The following ADAMTS20 variants were observed in gnomAD, a reference collection of about 807,000 sequenced individuals.
ADAMTS20 encodes the protein ADAM metallopeptidase with thrombospondin type 1 motif 20, also known as A disintegrin and metalloproteinase with thrombospondin motifs 20.
Under a neutral mutation model 260.1 loss-of-function variants are expected in ADAMTS20, and 225 were observed. That is an observed-to-expected ratio of 0.87 (90% CI 0.78 to 0.97). The LOEUF is 0.97. ADAMTS20 is among the 50% of genes least tolerant of loss of function. The probability of loss-of-function intolerance (pLI) is 0.00; values close to 1 mark genes in which losing one functional copy is unlikely to be tolerated. For missense variants in ADAMTS20, 2,400 were observed against 2,337.7 expected (o/e 1.03, Z -0.55); for synonymous variants, 802 against 769.5 (o/e 1.04, Z -0.70).
intron 24 of ADAMTS20, 45 bp downstream of exon 24, chr12:43,429,572 G>T: frequency 7.3e-7 from 1 of 1,363,050 alleles, no homozygotes; most frequent in Non-Finnish European, 1.0e-6. Context: ...ATGTCTAAAA[G>T]CTACCATAAT....
At chr12:43,419,561 T>C (rs1941191062) in intron 28 of ADAMTS20, among the ~76,000 whole-genome samples, 1 of 152,158 alleles carries the variant, frequency 6.6e-6, no homozygotes, top group African/African-American at 2.4e-5. Flanking sequence ...TAAACATTCC[T>C]AAAGCATTAT....
At position 43,526,709 on chromosome 12, in the gene ADAMTS20, G is replaced by A. The variant is rs545223005; in HGVS notation, c.613+5327C>T. On this transcript the variant is annotated intron_variant, in intron 3 of 38. Coordinates refer to ENST00000389420, the MANE Select transcript of ADAMTS20 (RefSeq NM_025003.5). ...AGTAGTGCTAAGAGGAATGTTTATT[G>A]CACTAAATTTGTACATCAAAAAGTC... is the stretch of plus-strand genomic sequence containing the variant. Among the ~76,000 whole-genome samples, 3 of 152,254 alleles carry A rather than the reference G, an allele frequency of 2.0e-5. No individual in the cohort carries two copies. The South Asian group carries it at 6.2e-4, about 32-fold the overall frequency.
intron 28 of ADAMTS20, among the ~76,000 whole-genome samples, chr12:43,417,166 A>AT (rs1941148441): frequency 6.6e-6 from 1 of 152,114 alleles, no homozygotes; most frequent in Non-Finnish European, 1.5e-5. Context: ...GTAACATGCA[A>AT]TTCTGGCAGT....
At chr12:43,434,666 T>C (rs1239625543) in intron 18 of ADAMTS20, among the ~76,000 whole-genome samples, 2 of 152,214 alleles carry the variant, frequency 1.3e-5, no homozygotes, top group South Asian at 2.1e-4. Flanking sequence ...TGGTGAATAA[T>C]TGAGTAGCTA....
chr12:43,541,075 G>A (rs1419352924), intron 2 of ADAMTS20, among the ~76,000 whole-genome samples: 1 of 152,028 alleles, frequency 6.6e-6, no homozygotes, highest in Non-Finnish European at 1.5e-5. Flanking sequence ...GTGATAACAA[G>A]TACAAAATAC....
intron 31 of ADAMTS20, among the ~76,000 whole-genome samples, chr12:43,382,890 C>T (rs1196702685): frequency 1.3e-5 from 2 of 151,880 alleles, no homozygotes; most frequent in African/African-American, 2.4e-5. Context: ...GTAAAGACAT[C>T]TATATAATGG....
At chr12:43,419,046 G>A (rs1277545018) in intron 28 of ADAMTS20, among the ~76,000 whole-genome samples, 1 of 152,022 alleles carries the variant, frequency 6.6e-6, no homozygotes, top group African/African-American at 2.4e-5. Context: ...CAAAACTAAC[G>A]AGTCTACTAC....
intron 3 of ADAMTS20, among the ~76,000 whole-genome samples, chr12:43,519,053 A>C (rs1241898232): frequency 1.3e-5 from 2 of 151,926 alleles, no homozygotes; most frequent in African/African-American, 4.8e-5. Flanking sequence ...TTTTTTTCCC[A>C]CATAATCTGA....
intron 7 of ADAMTS20, among the ~76,000 whole-genome samples, chr12:43,471,179 G>T (rs559159349): frequency 2.0e-5 from 3 of 152,158 alleles, no homozygotes; most frequent in Non-Finnish European, 2.9e-5. Flanking sequence ...CCTGGGAAGC[G>T]CAAGGGGTCA....
rs934751098 is a variant in ADAMTS20, at chr12:43,423,608, A to C, written c.4284+1906T>G. On this transcript the variant is annotated intron_variant, in intron 28 of 38. Coordinates refer to ENST00000389420, the MANE Select transcript of ADAMTS20 (RefSeq NM_025003.5). ...CTTAAGAACTAGGCTTGCAAACTAA[A>C]ACCAATAAAATGAAAGAAGATGGAA... 22 of 628,002 alleles carry C rather than the reference A, an allele frequency of 3.5e-5. No homozygotes were observed. The African/African-American group carries it at 3.7e-4, about 10-fold the overall frequency. The allele number at this position is 628,002 out of a possible 1,614,324, so 38.9% of individuals were successfully genotyped here.
chr12:43,545,928 T>A (rs1323975875), intron 2 of ADAMTS20, among the ~76,000 whole-genome samples: 1 of 152,146 alleles, frequency 6.6e-6, no homozygotes, highest in African/African-American at 2.4e-5. Context: ...CACACTAGAA[T>A]GTTAAAAGAA....
At chr12:43,405,446 A>AATC (rs1018826429) in intron 28 of ADAMTS20, among the ~76,000 whole-genome samples, 1 of 132,450 alleles carries the variant, frequency 7.6e-6, no homozygotes, top group African/African-American at 2.8e-5. Context: ...TAATAATAAT[A>AATC]ATAATAATAA....
Position 43,431,336 on chromosome 12 carries a change from C to A in ADAMTS20, c.3257G>T (p.Gly1086Val). The A allele has an allele frequency of 6.2e-7, 1 of 1,613,696 alleles. No homozygotes were observed. Among genetic ancestry groups the A allele is most frequent in the East Asian group, 2.2e-5 (1 of 44,870 alleles). Residue 1086 changes from glycine to valine, a missense_variant, in exon 22 of 39, where the codon GGT (glycine) becomes GTT (valine). Gly to Val is a moderately radical substitution (Grantham distance 109). Coordinates refer to ENST00000389420, the MANE Select transcript of ADAMTS20 (RefSeq NM_025003.5). The part of the protein sequence containing the change: ...TCASWQVGPW[G>V]PCTTTCGHGY... ...AAACCCATATCATATACTCACAGGA[C>A]CCCATGGTCCTACTTGCCAGGAAGC... is the stretch of plus-strand genomic sequence containing the variant.
intron 28 of ADAMTS20, among the ~76,000 whole-genome samples, chr12:43,408,174 T>C (rs1161056603): frequency 1.3e-5 from 2 of 152,132 alleles, no homozygotes; most frequent in Non-Finnish European, 2.9e-5. Context: ...ACAAATCAAA[T>C]GAAACACTGC....
At chr12:43,468,544 C>A in intron 8 of ADAMTS20, 56 bp downstream of exon 8, 5 of 1,061,014 alleles carry the variant, frequency 4.7e-6, no homozygotes, top group East Asian at 2.4e-5. Context: ...GAATTTCAGG[C>A]ATTCTGTGCA....
Position 43,383,743 on chromosome 12 carries a change from A to G in ADAMTS20, c.4627-15T>C, listed in dbSNP as rs1940407150. The G allele has an allele frequency of 6.2e-7, 1 of 1,613,720 alleles. No homozygotes were observed. Among genetic ancestry groups the G allele is most frequent in the Non-Finnish European group, 8.5e-7 (1 of 1,179,724 alleles). On this transcript the variant is annotated splice_polypyrimidine_tract_variant and intron_variant, in intron 30 of 38. Transcript: ENST00000389420. ...GATGTTGAACACTAGAAATGCAATA[A>G]CCAAATGAATAACACATTCTTATAT... is the stretch of plus-strand genomic sequence containing the variant.
Position 43,486,866 on chromosome 12 carries a change from C to A in ADAMTS20, c.1117+3529G>T, listed in dbSNP as rs1309880124. ...ATCAGGAAAATGCAAATTAAAACTA[C>A]AATGAGATACCATCTTACCACAACC... On this transcript the variant is annotated intron_variant, in intron 7 of 38. Transcript: ENST00000389420. Among the ~76,000 whole-genome samples, 4 of 152,286 alleles carry A rather than the reference C, an allele frequency of 2.6e-5. No individual in the cohort carries two copies. In the East Asian group the frequency reaches 7.7e-4, roughly 29 times the overall value.
At chr12:43,405,957 C>G (rs868524582) in intron 28 of ADAMTS20, among the ~76,000 whole-genome samples, 15 of 152,142 alleles carry the variant, frequency 9.9e-5, no homozygotes, top group Admixed American at 7.9e-4. Flanking sequence ...CTAATTTCTG[C>G]AGACAACCAA....
chr12:43,434,422 G>A, intron 18 of ADAMTS20, 51 bp from the exon 19 acceptor site: 1 of 1,518,328 alleles, frequency 6.6e-7, no homozygotes, highest in Non-Finnish European at 8.8e-7. Context: ...TTCACAGTTA[G>A]ATGTTCCATA....
Sources: gnomAD v4.1 joint callset for allele counts (sites outside exome capture counted in the v4.1 genomes callset) on GRCh38, gnomAD v4.1.1 for gene constraint, MANE v1.5 for transcripts, NCBI Gene and HGNC (gene_info 2026-07-23, HGNC 2026-07-21) for gene names.